Variants in SDK1 observed in about 807,000 individuals in gnomAD.
The protein encoded by SDK1 is sidekick cell adhesion molecule 1.
A neutral mutation model predicts 245.5 loss-of-function variants in SDK1; 157 were observed. The observed-to-expected ratio is 0.64, with a 90% CI of 0.56 to 0.73. The LOEUF (loss-of-function observed/expected upper bound fraction) is 0.73. SDK1 is among the 30% of genes least tolerant of loss of function. The pLI, the probability that SDK1 is intolerant of heterozygous loss-of-function variation, is 0.00. For missense variants in SDK1, 3,583 were observed against 3,002.3 expected (o/e 1.19, Z -4.52); for synonymous variants, 1,647 against 1,278.5 (o/e 1.29, Z -6.15).
In SDK1 at chr7:3,314,111, A is replaced by G. The variant is rs548733518; in HGVS notation, c.298+12227A>G. Among the ~76,000 whole-genome samples the G allele has an allele frequency of 5.9e-5, 9 of 152,316 alleles. No homozygotes were observed. In the East Asian group the frequency reaches 7.7e-4, roughly 13 times the overall value. On this transcript the variant is annotated intron_variant, in intron 1 of 44. Transcript: ENST00000404826. ...ATGACCCTGGAGAGCCCTTTAAGCC[A>G]TACAGGGGATTCAGCATCTGGTAGA...
intron 5 of SDK1, among the ~76,000 whole-genome samples, chr7:3,879,223 G>C (rs1781147969): frequency 6.6e-6 from 1 of 152,098 alleles, no homozygotes; most frequent in South Asian, 2.1e-4. Context: ...GACAAAACAT[G>C]GCGGCTGCAA....
At chr7:3,639,804 TA>T (rs1365784437) in intron 3 of SDK1, among the ~76,000 whole-genome samples, 1 of 151,878 alleles carries the variant, frequency 6.6e-6, no homozygotes, top group African/African-American at 2.4e-5. Context: ...GTATATATAA[TA>T]GAGACATAAC....
intron 1 of SDK1, among the ~76,000 whole-genome samples, chr7:3,480,598 T>A (rs1174652653): frequency 1.3e-5 from 2 of 152,268 alleles, no homozygotes; most frequent in African/African-American, 4.8e-5. Context: ...AGACAGCTCA[T>A]GTGGACTTCT....
intron 4 of SDK1, among the ~76,000 whole-genome samples, chr7:3,820,775 G>C (rs1165282323): frequency 1.3e-5 from 2 of 152,294 alleles, no homozygotes; most frequent in Middle Eastern, 3.4e-3. Context: ...TGCATTAAAC[G>C]AGTCTCAGAG....
intron 1 of SDK1, among the ~76,000 whole-genome samples, chr7:3,568,421 A>AT (rs1052888508): frequency 8.6e-5 from 13 of 151,948 alleles, no homozygotes; most frequent in Admixed American, 2.0e-4. Flanking sequence ...GTATATGTAT[A>AT]TTTTTTTCTC....
chr7:4,028,066 A>G (rs1252401098), intron 17 of SDK1, among the ~76,000 whole-genome samples: 1 of 152,110 alleles, frequency 6.6e-6, no homozygotes, highest in African/African-American at 2.4e-5. Context: ...TAAGTAGAAA[A>G]GCAAATTGAC....
At chr7:4,179,653 G>C (rs1782475918) in intron 35 of SDK1, among the ~76,000 whole-genome samples, 1 of 152,042 alleles carries the variant, frequency 6.6e-6, no homozygotes, top group Non-Finnish European at 1.5e-5. Flanking sequence ...AGCCACCGAG[G>C]TACGGCTCAG....
intron 3 of SDK1, among the ~76,000 whole-genome samples, chr7:3,641,242 A>ATT (rs1463852000): frequency 6.6e-6 from 1 of 152,130 alleles, no homozygotes; most frequent in Non-Finnish European, 1.5e-5. Context: ...TTGTATATAT[A>ATT]TTTACATCTG....
Position 3,313,190 on chromosome 7 carries a change from C to T in SDK1, c.298+11306C>T, listed in dbSNP as rs570323071. Among the ~76,000 whole-genome samples the T allele has an allele frequency of 7.0e-4, 106 of 152,252 alleles. 1 individual carries two copies. The highest frequency in any genetic ancestry group is 1.3e-3 in the Non-Finnish European group (88 of 68,008). ...TTGGGAGGCCAAGGTGGGCAGATCA[C>T]GAGGTCAAGAGATCGAGACCATCCT... On this transcript the variant is annotated intron_variant, in intron 1 of 44. Coordinates refer to ENST00000404826, the MANE Select transcript of SDK1 (RefSeq NM_152744.4).
intron 1 of SDK1, among the ~76,000 whole-genome samples, chr7:3,381,011 A>T (rs1385950352): frequency 2.0e-5 from 3 of 152,312 alleles, no homozygotes; most frequent in Non-Finnish European, 4.4e-5. Flanking sequence ...GTTAATAAAT[A>T]AGGAGAGAAT....
chr7:4,267,315 C>T lies in SDK1; in HGVS notation c.*1931C>T. On this transcript the variant is annotated 3_prime_UTR_variant, in exon 45 of 45. Coordinates refer to ENST00000404826, the MANE Select transcript of SDK1 (RefSeq NM_152744.4). The stretch of plus-strand genomic sequence containing the variant: ...CTTCCTTCCCTCCCTTCTTTCCCTC[C>T]CTCCCTTCCTCTCTCCCCTATTCCT... The T allele has an allele frequency of 1.2e-6, 1 of 858,616 alleles. No individual in the cohort carries two copies. Among genetic ancestry groups the T allele is most frequent in the Non-Finnish European group, 1.4e-6 (1 of 715,198 alleles). 53.2% of individuals were successfully genotyped at this position (858,616 alleles called of 1,614,324 possible).
chr7:4,065,554 T>C lies in SDK1; in HGVS notation c.2912-2284T>C, dbSNP rs113909289. Among the ~76,000 whole-genome samples, 1,098 of 152,272 alleles carry C rather than the reference T, an allele frequency of 7.2e-3. 9 individuals carry two copies. The highest frequency in any genetic ancestry group is 0.025 in the African/African-American group (1,053 of 41,552). ...TCTGTCAGAATGTCTTTCTGGAGGC[T>C]CACAATTGTGGGAGGATGAGATGGT... On this transcript the variant is annotated intron_variant, in intron 19 of 44. Transcript: ENST00000404826.
chr7:4,176,165 C>CTTT (rs1156364111), intron 34 of SDK1, among the ~76,000 whole-genome samples: 1 of 138,486 alleles, frequency 7.2e-6, no homozygotes, highest in African/African-American at 2.7e-5. Flanking sequence ...CTTTTCTTTA[C>CTTT]TTTTTTTTTT....
intron 35 of SDK1, among the ~76,000 whole-genome samples, chr7:4,200,415 C>T (rs192157724): frequency 3.5e-4 from 53 of 152,378 alleles, no homozygotes; most frequent in African/African-American, 1.1e-3. Context: ...AAACAACACA[C>T]ATCTCCTACC....
intron 1 of SDK1, among the ~76,000 whole-genome samples, chr7:3,467,734 TTAAAGG>T (rs1263910464): frequency 3.3e-5 from 5 of 152,128 alleles, no homozygotes; most frequent in African/African-American, 1.2e-4. Flanking sequence ...TGAGATAAAA[TTAAAGG>T]TAAACTTAAT....
intron 4 of SDK1, among the ~76,000 whole-genome samples, chr7:3,776,399 T>G (rs888784850): frequency 1.3e-5 from 2 of 152,240 alleles, no homozygotes; most frequent in African/African-American, 2.4e-5. Flanking sequence ...TTTGATCACT[T>G]AAGGCTTCTG....
chr7:3,819,067 A>G (rs922039564), intron 4 of SDK1, among the ~76,000 whole-genome samples: 13 of 152,332 alleles, frequency 8.5e-5, no homozygotes, highest in East Asian at 5.8e-4. Context: ...TAAAATTAAG[A>G]TGAATGGTTT....
chr7:4,251,923 G>T (rs1269144183), intron 44 of SDK1, among the ~76,000 whole-genome samples: 1 of 152,118 alleles, frequency 6.6e-6, no homozygotes, highest in Middle Eastern at 3.2e-3. Context: ...TTGTCAGATG[G>T]TTTCTCTGTG....
At chr7:3,910,893 C>T (rs963455884) in intron 5 of SDK1, among the ~76,000 whole-genome samples, 1 of 152,134 alleles carries the variant, frequency 6.6e-6, no homozygotes, top group African/African-American at 2.4e-5. Flanking sequence ...AAATGTGGCC[C>T]ACGCTGTGGA....
Sources: allele counts gnomAD v4.1 joint callset (sites outside exome capture counted in the v4.1 genomes callset), GRCh38; gene constraint gnomAD v4.1.1; transcripts MANE v1.5; gene names NCBI Gene and HGNC (gene_info 2026-07-23, HGNC 2026-07-21).